The following E2F3 variants were observed in gnomAD, a reference collection of about 807,000 sequenced individuals.
E2F3 encodes E2F transcription factor 3, also known as transcription factor E2F3.
E2F3 carries 11 observed loss-of-function variants against 44.4 expected under a neutral mutation model. The observed-to-expected ratio is 0.25, with a 90% CI of 0.16 to 0.41. The LOEUF (loss-of-function observed/expected upper bound fraction) is 0.41. E2F3 is among the 10% of genes least tolerant of loss of function. The probability of loss-of-function intolerance (pLI) is 1.00; values close to 1 mark genes in which losing one functional copy is unlikely to be tolerated. For synonymous variants in E2F3, 249 were observed against 253.0 expected (o/e 0.98, Z 0.15); for missense variants, 487 against 583.6 (o/e 0.83, Z 1.70).
chr6:20,477,236 C>T (rs756677942), intron 1 of E2F3, among the ~76,000 whole-genome samples: 2 of 152,124 alleles, frequency 1.3e-5, no homozygotes, highest in Non-Finnish European at 2.9e-5. Flanking sequence ...GCTGGGATTA[C>T]AGGTGTGATC....
At position 20,402,363 on chromosome 6, in the gene E2F3, T is replaced by TCGCCGCCGC. The variant is rs559169760; in HGVS notation, c.141_149dup (p.Ala51_Ala53dup). On this transcript the variant is annotated inframe_insertion, in exon 1 of 7. Coordinates refer to ENST00000346618, the MANE Select transcript of E2F3 (RefSeq NM_001949.5). The surrounding 1 kb of genome is among the most constrained non-coding windows in gnomAD (Gnocchi z 5.6). ...AGGGCACTGCTAGCCAGCCCCGGCTTCGCCGCCGCCGCCGCCGCTGCCGCC... is the reference window on the plus strand; with the variant it reads ...AGGGCACTGCTAGCCAGCCCCGGCTTCGCCGCCGCCGCCGCCGCCGCCGCCGCTGCCGCC... 7 of 1,605,520 alleles carry TCGCCGCCGC rather than the reference T, an allele frequency of 4.4e-6. No individual in the cohort carries two copies. In the East Asian group the frequency reaches 1.4e-4, roughly 31 times the overall value.
chr6:20,404,721 C>T (rs1207913514), intron 1 of E2F3, among the ~76,000 whole-genome samples: 3 of 152,074 alleles, frequency 2.0e-5, no homozygotes, highest in Non-Finnish European at 4.4e-5. Flanking sequence ...CAAAGAAGCT[C>T]ATCGTTTTTT....
chr6:20,430,051 T>C (rs1412445936), intron 1 of E2F3, among the ~76,000 whole-genome samples: 1 of 152,164 alleles, frequency 6.6e-6, no homozygotes. Flanking sequence ...TTAATCAAAG[T>C]TAAAATAGGA....
intron 1 of E2F3, among the ~76,000 whole-genome samples, chr6:20,447,362 GAA>G (rs1297207531): frequency 3.3e-5 from 5 of 151,882 alleles, no homozygotes; most frequent in Admixed American, 1.3e-4. Context: ...GAGAGAAAGA[GAA>G]AGAGAACAGA....
intron 1 of E2F3, among the ~76,000 whole-genome samples, chr6:20,439,116 C>G (rs1760688164): frequency 6.6e-6 from 1 of 152,186 alleles, no homozygotes; most frequent in Non-Finnish European, 1.5e-5. Flanking sequence ...AAACTTATCT[C>G]AAATTCTGAC....
intron 1 of E2F3, among the ~76,000 whole-genome samples, chr6:20,412,489 G>A (rs115997953): frequency 8.9e-4 from 136 of 152,226 alleles, no homozygotes; most frequent in East Asian, 1.5e-3. Flanking sequence ...AAAGATTGGC[G>A]TCAGGAGGCA....
At chr6:20,445,390 C>T (rs1760909230) in intron 1 of E2F3, among the ~76,000 whole-genome samples, 1 of 152,078 alleles carries the variant, frequency 6.6e-6, no homozygotes, top group African/African-American at 2.4e-5. Context: ...CAGGCCCGTG[C>T]CACCAAGCCC....
At chr6:20,476,915 G>A (rs1762064107) in intron 1 of E2F3, among the ~76,000 whole-genome samples, 2 of 152,180 alleles carry the variant, frequency 1.3e-5, no homozygotes, top group Non-Finnish European at 2.9e-5. Flanking sequence ...TGTCCTTCCG[G>A]AGCCATTAGA....
intron 1 of E2F3, among the ~76,000 whole-genome samples, chr6:20,456,427 T>C (rs1331059524): frequency 6.6e-6 from 1 of 152,194 alleles, no homozygotes; most frequent in African/African-American, 2.4e-5. Flanking sequence ...TTATTCACCT[T>C]TATAAACCAT....
Position 20,493,699 on chromosome 6 carries a change from AT to A in E2F3, c.*3277del, listed in dbSNP as rs1006547470. ...TGTATGGTAAAGGATCAATAAAATG[AT>A]TTTTTTTAAGAGTTCAGGCTTGTGG... On this transcript the variant is annotated 3_prime_UTR_variant, in exon 7 of 7. Transcript: ENST00000346618. 4.2e-5 allele frequency: 8 copies of A among 189,988 alleles called. No individual in the cohort carries two copies. The highest frequency in any genetic ancestry group is 2.0e-4 in the South Asian group (1 of 5,088). The allele number at this position is 189,988 out of a possible 1,614,324, so 11.8% of individuals were successfully genotyped here. A position where few individuals can be genotyped will look rare whatever the true frequency, so the allele number is the denominator to read the frequency against.
intron 1 of E2F3, among the ~76,000 whole-genome samples, chr6:20,463,733 A>G (rs62398904): frequency 0.035 from 5,336 of 152,256 alleles, 118 homozygotes; most frequent in Middle Eastern, 0.078. Context: ...TCAAGCAAGC[A>G]ATTCATTCTG....
At chr6:20,482,681 G>A in intron 3 of E2F3, 81 bp from the exon 4 acceptor site, 2 of 1,443,162 alleles carry the variant, frequency 1.4e-6, no homozygotes, top group Non-Finnish European at 1.9e-6. Context: ...TATGTCAAGA[G>A]GAGACATTTA....
chr6:20,412,841 C>T (rs910877905), intron 1 of E2F3, among the ~76,000 whole-genome samples: 1 of 152,192 alleles, frequency 6.6e-6, no homozygotes, highest in African/African-American at 2.4e-5. Flanking sequence ...AAATAGGTCT[C>T]TAGGCCAGAT....
At chr6:20,429,100 A>G (rs1581590308) in intron 1 of E2F3, among the ~76,000 whole-genome samples, 1 of 152,206 alleles carries the variant, frequency 6.6e-6, no homozygotes, top group Non-Finnish European at 1.5e-5. Context: ...ACTATAACAT[A>G]TGTGACAGCC....
intron 1 of E2F3, chr6:20,403,726 C>T: frequency 2.2e-6 from 3 of 1,360,382 alleles, no homozygotes; most frequent in Non-Finnish European, 9.8e-7. Context: ...GGCGCCCGCC[C>T]TCGCCCTGCG....
At chr6:20,471,202 G>A (rs564134160) in intron 1 of E2F3, among the ~76,000 whole-genome samples, 8 of 151,990 alleles carry the variant, frequency 5.3e-5, no homozygotes, top group South Asian at 4.2e-4. Context: ...TACATATGTC[G>A]CTGTACATCA....
intron 1 of E2F3, among the ~76,000 whole-genome samples, chr6:20,474,851 C>G (rs941078254): frequency 5.3e-5 from 8 of 152,232 alleles, no homozygotes; most frequent in South Asian, 2.1e-4. Flanking sequence ...GTGGTCCCCA[C>G]AAATCCAGTT....
At chr6:20,463,856 A>T (rs1467449619) in intron 1 of E2F3, among the ~76,000 whole-genome samples, 2 of 152,082 alleles carry the variant, frequency 1.3e-5, no homozygotes, top group East Asian at 1.9e-4. Flanking sequence ...CCCACTTCCA[A>T]TGCCAGTCGC....
intron 1 of E2F3, among the ~76,000 whole-genome samples, chr6:20,473,640 A>G (rs1250735571): frequency 2.0e-5 from 3 of 152,184 alleles, no homozygotes; most frequent in Admixed American, 2.0e-4. Flanking sequence ...GCCTTTGGGT[A>G]TGGCTGTATC....
Sources: allele counts gnomAD v4.1 joint callset (sites outside exome capture counted in the v4.1 genomes callset), GRCh38; gene constraint gnomAD v4.1.1; non-coding constraint Gnocchi (gnomAD v3.1); transcripts MANE v1.5; gene names NCBI Gene and HGNC (gene_info 2026-07-23, HGNC 2026-07-21).